ATPAF1: variants seen among roughly 807,000 people sequenced by gnomAD.
ATPAF1 encodes the protein homolog of yeast ATP11.
ATPAF1 carries 26 observed loss-of-function variants against 43.9 expected under a neutral mutation model. The observed-to-expected ratio is 0.59, with a 90% CI of 0.43 to 0.82. ATPAF1 has a LOEUF of 0.82. ATPAF1 is among the 40% of genes least tolerant of loss of function. ATPAF1 has a pLI of 0.00. For missense variants in ATPAF1, 366 were observed against 435.0 expected (o/e 0.84, Z 1.41); for synonymous variants, 157 against 168.0 (o/e 0.93, Z 0.50).
intron 6 of ATPAF1, among the ~76,000 whole-genome samples, chr1:46,648,024 T>C (rs1676075130): frequency 1.3e-5 from 2 of 152,246 alleles, no homozygotes; most frequent in African/African-American, 4.8e-5. Flanking sequence ...GCTATACACC[T>C]TTTGGCTATT....
chr1:46,665,020 C>T (rs775553345), intron 2 of ATPAF1: 3 of 491,836 alleles, frequency 6.1e-6, no homozygotes, highest in Non-Finnish European at 1.1e-5. Context: ...GACCACCAGA[C>T]TGCTCCTCTT....
chr1:46,633,056 T>C (rs1246841865), downstream of ATPAF1: 1 of 152,686 alleles, frequency 6.5e-6, no homozygotes, highest in African/African-American at 2.4e-5. Context: ...GCTAATTACC[T>C]ACATCAGAAT....
Position 46,668,256 on chromosome 1 carries a change from A to T in ATPAF1, c.67T>A (p.Tyr23Asn). The T allele has an allele frequency of 7.2e-7, 1 of 1,392,018 alleles. No individual in the cohort carries two copies. 86.2% of individuals were successfully genotyped at this position (1,392,018 alleles called of 1,614,324 possible). ...CTGCGCACCGCGCACAGGCCCCGGT[A>T]GAGACCGGCCACCTGCAGGACCGCC... The change falls in exon 1 of 9, where the codon TAC (tyrosine) becomes AAC (asparagine). Residue 23 changes from tyrosine (Y) to asparagine (N), a missense_variant. Physicochemically the swap from Tyr to Asn is moderately radical, Grantham distance 143 (BLOSUM62 -2). Coordinates refer to ENST00000574428, the Ensembl canonical transcript of ATPAF1. The surrounding 1 kb of genome is among the most constrained non-coding windows in gnomAD (Gnocchi z 4.4).
At chr1:46,655,602 G>A (rs1413397781) in intron 4 of ATPAF1, among the ~76,000 whole-genome samples, 5 of 152,124 alleles carry the variant, frequency 3.3e-5, no homozygotes, top group Non-Finnish European at 7.3e-5. Context: ...GCAATATTGT[G>A]TCTTTTCATT....
intron 4 of ATPAF1, among the ~76,000 whole-genome samples, chr1:46,655,237 G>C (rs1262658980): frequency 6.6e-6 from 1 of 152,096 alleles, no homozygotes; most frequent in Admixed American, 6.6e-5. Context: ...AGATTTGGGT[G>C]GGGACACAGC....
rs776025305 is a variant in ATPAF1 at position 46,635,758 on chromosome 1, G to C, written c.*18C>G. 13 of 1,602,340 alleles carry C rather than the reference G, an allele frequency of 8.1e-6. No individual in the cohort carries two copies. In the Admixed American group the frequency reaches 1.3e-4, roughly 17 times the overall value. The stretch of plus-strand genomic sequence containing the variant: ...TCGAGGGCTGAGTCAACTAGGTGAA[G>C]GGCCAACCTGTACAGTTCTAAGTCT... On this transcript the variant is annotated 3_prime_UTR_variant, in exon 9 of 9. Coordinates refer to ENST00000574428, the Ensembl canonical transcript of ATPAF1.
At chr1:46,640,406 T>C (rs942509190) in intron 8 of ATPAF1, among the ~76,000 whole-genome samples, 1 of 152,154 alleles carries the variant, frequency 6.6e-6, no homozygotes, top group Non-Finnish European at 1.5e-5. Context: ...GGTCAGGAGT[T>C]CGAGACCAGC....
At chr1:46,652,446 C>A in intron 6 of ATPAF1, 135 bp downstream of exon 6, 1 of 824,460 alleles carries the variant, frequency 1.2e-6, no homozygotes, top group South Asian at 2.0e-5. Context: ...TTAGTACAAT[C>A]AACATGTGAG....
intron 2 of ATPAF1, among the ~76,000 whole-genome samples, chr1:46,659,729 C>T (rs759065674): frequency 1.3e-5 from 2 of 152,118 alleles, no homozygotes; most frequent in Non-Finnish European, 2.9e-5. Context: ...GAAGTACATT[C>T]GACACCTGGG....
chr1:46,663,725 T>A lies in ATPAF1; in HGVS notation c.375+1531A>T. 11 of 485,436 alleles carry A rather than the reference T, an allele frequency of 2.3e-5. 1 individual carries two copies. In the Middle Eastern group the frequency reaches 1.2e-3, roughly 52 times the overall value. The allele number at this position is 485,436 out of a possible 1,614,324, so 30.1% of individuals were successfully genotyped here. On this transcript the variant is annotated intron_variant, in intron 2 of 8. Coordinates refer to ENST00000574428, the Ensembl canonical transcript of ATPAF1. ...AGTCATTAAGACTCAGCAGATTCAC[T>A]TAAAATTCAGGATACCCAAGGCAAA...
intron 6 of ATPAF1, among the ~76,000 whole-genome samples, chr1:46,645,942 A>C (rs1676035270): frequency 6.6e-6 from 1 of 152,220 alleles, no homozygotes; most frequent in African/African-American, 2.4e-5. Flanking sequence ...TGGAAGGCCA[A>C]GGTCGGAGGA....
At chr1:46,661,465 G>A (rs1415205322) in intron 2 of ATPAF1, among the ~76,000 whole-genome samples, 1 of 152,166 alleles carries the variant, frequency 6.6e-6, no homozygotes, top group Non-Finnish European at 1.5e-5. Context: ...AGAAATGGGT[G>A]GAAGCACCTC....
intron 6 of ATPAF1, among the ~76,000 whole-genome samples, chr1:46,645,946 C>T (rs58185502): frequency 0.22 from 32,801 of 152,058 alleles, 3,927 homozygotes; most frequent in Admixed American, 0.3. Context: ...AGGCCAAGGT[C>T]GGAGGATCAC....
chr1:46,644,660 TCTAA>T (rs1036911555), intron 7 of ATPAF1, among the ~76,000 whole-genome samples: 42 of 152,176 alleles, frequency 2.8e-4, no homozygotes, highest in African/African-American at 8.0e-4. Context: ...ATGTTTTGAA[TCTAA>T]CTTTTAAATA....
intron 2 of ATPAF1, among the ~76,000 whole-genome samples, chr1:46,661,365 T>C (rs1676383670): frequency 6.6e-6 from 1 of 152,168 alleles, no homozygotes; most frequent in African/African-American, 2.4e-5. Context: ...TGTGAGCCAC[T>C]GCACCCGGTG....
At chr1:46,654,514 A>AATTTATTT (rs1012671005) in intron 4 of ATPAF1, among the ~76,000 whole-genome samples, 1 of 124,146 alleles carries the variant, frequency 8.1e-6, no homozygotes, top group East Asian at 2.9e-4. Context: ...GAGACTGGGC[A>AATTTATTT]ATTTATTTAT....
At chr1:46,652,812 GT>G (rs1380778742) in intron 5 of ATPAF1, among the ~76,000 whole-genome samples, 184 bp from the exon 6 acceptor site, 5 of 152,140 alleles carry the variant, frequency 3.3e-5, no homozygotes, top group African/African-American at 4.8e-5. Flanking sequence ...CTGTTTTGCT[GT>G]TTATTGTCAG....
At chr1:46,659,862 C>G (rs887592838) in intron 2 of ATPAF1, among the ~76,000 whole-genome samples, 2 of 152,210 alleles carry the variant, frequency 1.3e-5, no homozygotes, top group African/African-American at 4.8e-5. Flanking sequence ...AGAGAAAAGC[C>G]TGTTGAACAC....
intron 6 of ATPAF1, among the ~76,000 whole-genome samples, chr1:46,645,715 T>A (rs183357532): frequency 2.6e-5 from 4 of 152,344 alleles, no homozygotes; most frequent in Non-Finnish European, 5.9e-5. Flanking sequence ...AATACTCATG[T>A]ACTTATCAAT....
Sources: gnomAD v4.1 joint callset for allele counts (sites outside exome capture counted in the v4.1 genomes callset) on GRCh38, gnomAD v4.1.1 for gene constraint, Gnocchi (gnomAD v3.1) non-coding constraint, MANE v1.5 for transcripts, NCBI Gene and HGNC (gene_info 2026-07-23, HGNC 2026-07-21) for gene names.